Variants in PAGE2B observed in about 807,000 individuals in gnomAD.
PAGE2B encodes the protein putative G antigen family E member 3.
In PAGE2B, 5 loss-of-function variants were observed where a neutral mutation model predicts 7.6. That is an observed-to-expected ratio of 0.66 (90% CI 0.34 to 1.38). The LOEUF is 1.38. Among genes scored for constraint, PAGE2B ranks in the 40% most tolerant of loss-of-function variants. The probability of loss-of-function intolerance (pLI) is 0.04; values close to 1 mark genes in which losing one functional copy is unlikely to be tolerated. For missense variants in PAGE2B, 70 were observed against 78.4 expected (o/e 0.89, Z 0.41); for synonymous variants, 29 against 26.7 (o/e 1.09, Z -0.27).
the PAGE2B span, among the ~76,000 whole-genome samples, chrX:55,034,659 A>G: frequency 5.1e-4 from 56 of 109,657 alleles, no homozygotes; most frequent in African/African-American, 1.8e-3. Flanking sequence ...TAGTAGGAAT[A>G]TCTTCCTATT....
At chrX:55,045,432 G>A in the PAGE2B span, among the ~76,000 whole-genome samples, 152 of 111,550 alleles carry the variant, frequency 1.4e-3, no homozygotes, top group African/African-American at 4.7e-3. Flanking sequence ...GGGGGCCTAA[G>A]GAATGACCCT....
chrX:55,073,526 C>A (rs1936470589), upstream of PAGE2B, among the ~76,000 whole-genome samples: 1 of 111,911 alleles, frequency 8.9e-6, no homozygotes, highest in African/African-American at 3.2e-5. Context: ...TCCCCGCAAC[C>A]ATCCCATATG....
chrX:55,075,163 G>A, intron 1 of PAGE2B, 49 bp downstream of exon 1: 1 of 122,754 alleles, frequency 8.1e-6, no homozygotes. Context: ...GGGTGAATGT[G>A]TGGAGGAGCC....
At chrX:55,063,939 T>A in the PAGE2B span, among the ~76,000 whole-genome samples, 2,273 of 111,259 alleles carry the variant, frequency 0.02, 43 homozygotes, top group African/African-American at 0.061. Context: ...TTTTTTAATG[T>A]GTTGTTGAAT....
the PAGE2B span, among the ~76,000 whole-genome samples, chrX:55,042,653 C>CAAAAAAAAAAAAAAAAAAA: frequency 8.4e-5 from 1 of 11,857 alleles, no homozygotes; most frequent in Non-Finnish European, 1.2e-4. Flanking sequence ...GACTCCGTCT[C>CAAAAAAAAAAAAAAAAAAA]AAAAAAAAAA....
At chrX:55,056,227 CCTT>C in the PAGE2B span, among the ~76,000 whole-genome samples, 1 of 111,324 alleles carries the variant, frequency 9.0e-6, no homozygotes, top group African/African-American at 3.3e-5. Context: ...GTAGCAATAT[CCTT>C]CTTCTACATT....
chrX:55,037,843 T>C, the PAGE2B span, among the ~76,000 whole-genome samples: 1 of 92,886 alleles, frequency 1.1e-5, no homozygotes, highest in Non-Finnish European at 2.1e-5. Flanking sequence ...TAGGTGGGAA[T>C]TGAACAATGA....
rs750212632 is a variant in PAGE2B, at chrX:55,076,560, C to A, written c.85-9C>A. The A allele has an allele frequency of 6.7e-6, 8 of 1,185,882 alleles. No homozygotes were observed. Among genetic ancestry groups the A allele is most frequent in the East Asian group, 6.0e-5 (2 of 33,499 alleles). Reference sequence around the variant, plus strand: ...GACTTTTTATTCACACACACACTTACACCCTTAGGTCCAGGAGCCCACTGA... The same window carrying A: ...GACTTTTTATTCACACACACACTTAAACCCTTAGGTCCAGGAGCCCACTGA... On this transcript the variant is annotated splice_polypyrimidine_tract_variant and intron_variant, in intron 2 of 4. Coordinates refer to ENST00000374971, the MANE Select transcript of PAGE2B (RefSeq NM_001015038.3).
the PAGE2B span, chrX:55,045,211 T>C: frequency 1.8e-5 from 2 of 112,028 alleles, no homozygotes; most frequent in Non-Finnish European, 3.8e-5. Context: ...TTTGTGAATT[T>C]CTACTCCAGA....
chrX:55,060,742 C>T, the PAGE2B span, among the ~76,000 whole-genome samples: 1 of 111,012 alleles, frequency 9.0e-6, no homozygotes, highest in African/African-American at 3.3e-5. Flanking sequence ...AGTACTTTTA[C>T]AGTTTTAGGT....
At chrX:55,048,069 G>A in the PAGE2B span, among the ~76,000 whole-genome samples, 1 of 111,874 alleles carries the variant, frequency 8.9e-6, no homozygotes, top group African/African-American at 3.3e-5. Context: ...TTATTAGATA[G>A]GGAATCCTTT....
chrX:55,059,264 T>C, the PAGE2B span, among the ~76,000 whole-genome samples: 2 of 111,241 alleles, frequency 1.8e-5, no homozygotes, highest in South Asian at 7.5e-4. Flanking sequence ...CACTGTGTCC[T>C]TACATAGTCT....
the PAGE2B span, among the ~76,000 whole-genome samples, chrX:55,067,694 T>C: frequency 8.9e-6 from 1 of 112,011 alleles, no homozygotes; most frequent in South Asian, 3.8e-4. Flanking sequence ...TTCCTATTTC[T>C]CCACATCCTC....
At chrX:55,041,719 G>A in the PAGE2B span, among the ~76,000 whole-genome samples, 3 of 111,587 alleles carry the variant, frequency 2.7e-5, no homozygotes, top group Admixed American at 9.5e-5. Context: ...AGGCTCTGGG[G>A]CAGCCACAGT....
chrX:55,074,699 A>G (rs1490408466), upstream of PAGE2B, among the ~76,000 whole-genome samples: 21 of 112,773 alleles, frequency 1.9e-4, no homozygotes, highest in Non-Finnish European at 1.7e-4. Flanking sequence ...AAGCGTATAT[A>G]AAACAGATAT....
At chrX:55,053,943 C>T in the PAGE2B span, among the ~76,000 whole-genome samples, 6 of 112,251 alleles carry the variant, frequency 5.3e-5, no homozygotes, top group Admixed American at 4.7e-4. Flanking sequence ...CAGCCAGGTG[C>T]GGTGGCTCAT....
chrX:55,054,593 A>G, the PAGE2B span, among the ~76,000 whole-genome samples: 1 of 112,615 alleles, frequency 8.9e-6, no homozygotes, highest in Admixed American at 9.4e-5. Flanking sequence ...GCTTTCAGCT[A>G]ACTATTTCTA....
chrX:55,067,093 T>C, the PAGE2B span, among the ~76,000 whole-genome samples: 1 of 110,679 alleles, frequency 9.0e-6, no homozygotes, highest in Admixed American at 9.7e-5. Flanking sequence ...TTCTGGGGTA[T>C]GTGTGCAGAA....
chrX:55,073,651 T>C (rs1261889548), upstream of PAGE2B, among the ~76,000 whole-genome samples: 1 of 112,337 alleles, frequency 8.9e-6, no homozygotes, highest in Non-Finnish European at 1.9e-5. Flanking sequence ...AAATATTGCT[T>C]CTTCCTGTTC....
Sources: gnomAD v4.1 joint callset for allele counts (sites outside exome capture counted in the v4.1 genomes callset) on GRCh38, gnomAD v4.1.1 for gene constraint, MANE v1.5 for transcripts, NCBI Gene and HGNC (gene_info 2026-07-23, HGNC 2026-07-21) for gene names.